Variants in COL4A5 observed in about 807,000 individuals in gnomAD.
COL4A5 encodes the protein collagen alpha-5(IV) chain.
Under a neutral mutation model 130.2 loss-of-function variants are expected in COL4A5, and 26 were observed. The observed-to-expected ratio is 0.20, with a 90% confidence interval of 0.15 to 0.28. The LOEUF (loss-of-function observed/expected upper bound fraction) is 0.28. COL4A5 is among the 10% of genes least tolerant of loss of function. The pLI is 1.00. For synonymous variants in COL4A5, 496 were observed against 439.6 expected (o/e 1.13, Z -1.60); for missense variants, 1,131 against 1,344.3 (o/e 0.84, Z 2.48).
At chrX:108,626,612 A>G (rs2067159104) in intron 36 of COL4A5, 2 of 1,082,029 alleles carry the variant, frequency 1.8e-6, no homozygotes, top group Admixed American at 6.6e-5. Flanking sequence ...AATAATCTCA[A>G]TGCCTAGATT....
chrX:108,625,666 T>G (rs907916392), intron 34 of COL4A5, 39 bp from the exon 35 acceptor site: 7 of 913,205 alleles, frequency 7.7e-6, no homozygotes, highest in African/African-American at 2.0e-5. Flanking sequence ...ACCCCAATAT[T>G]GCTACATTGT....
chrX:108,685,357 T>C (rs2068523576), intron 47 of COL4A5, among the ~76,000 whole-genome samples: 1 of 112,619 alleles, frequency 8.9e-6, no homozygotes, highest in Non-Finnish European at 1.9e-5. Context: ...TTCCATTTTC[T>C]TTTTTCTTGA....
intron 24 of COL4A5, among the ~76,000 whole-genome samples, chrX:108,598,088 G>A (rs932755378): frequency 2.7e-5 from 3 of 111,087 alleles, no homozygotes; most frequent in Non-Finnish European, 3.8e-5. Context: ...CTACTCGGGA[G>A]GCTGAGGCAG....
intron 25 of COL4A5, among the ~76,000 whole-genome samples, chrX:108,600,139 G>T (rs2066601457): frequency 8.9e-6 from 1 of 112,124 alleles, no homozygotes; most frequent in African/African-American, 3.2e-5. Flanking sequence ...ATTTGCTTTT[G>T]TGAAATGCCT....
intron 2 of COL4A5, among the ~76,000 whole-genome samples, chrX:108,555,301 T>C (rs1001318302): frequency 7.1e-5 from 8 of 112,311 alleles, no homozygotes; most frequent in Non-Finnish European, 1.5e-4. Flanking sequence ...GTTTTATATC[T>C]GACTTAGAGT....
intron 4 of COL4A5, among the ~76,000 whole-genome samples, chrX:108,566,641 C>T (rs1367928358): frequency 9.1e-6 from 1 of 110,146 alleles, no homozygotes. Flanking sequence ...CTCCGCCTCC[C>T]GGGTTCACGC....
chrX:108,634,272 T>C (rs1603301166), intron 36 of COL4A5, among the ~76,000 whole-genome samples: 2 of 104,292 alleles, frequency 1.9e-5, no homozygotes, highest in Admixed American at 1.0e-4. Context: ...CTAAAGTAAA[T>C]GGGGTTATAG....
At chrX:108,559,286 C>T (rs1049617642) in intron 3 of COL4A5, 133 bp downstream of exon 3, 18 of 540,054 alleles carry the variant, frequency 3.3e-5, no homozygotes, top group Admixed American at 5.2e-5. Flanking sequence ...AATGGAATGA[C>T]GGGGAGTCTG....
chrX:108,509,390 C>T (rs1356633897), intron 1 of COL4A5, among the ~76,000 whole-genome samples: 1 of 111,604 alleles, frequency 9.0e-6, no homozygotes, highest in Non-Finnish European at 1.9e-5. Flanking sequence ...GCACAGTTCA[C>T]CTATGTAAGT....
At chrX:108,592,661 G>A (rs1161704074) in intron 21 of COL4A5, among the ~76,000 whole-genome samples, 4 of 109,156 alleles carry the variant, frequency 3.7e-5, no homozygotes, top group African/African-American at 1.3e-4. Flanking sequence ...TGTCAGGTCT[G>A]TCCTTTTTTT....
intron 1 of COL4A5, among the ~76,000 whole-genome samples, chrX:108,526,076 A>C (rs915483053): frequency 4.5e-5 from 5 of 111,317 alleles, no homozygotes; most frequent in Admixed American, 1.9e-4. Flanking sequence ...CAGGACACAC[A>C]CGGTAGGGGA....
chrX:108,652,350 C>T (rs750190600), intron 36 of COL4A5, among the ~76,000 whole-genome samples: 14 of 112,495 alleles, frequency 1.2e-4, no homozygotes, highest in Non-Finnish European at 2.1e-4. Flanking sequence ...TCTTTAATCT[C>T]CAAATACAGA....
chrX:108,652,327 G>T (rs1380441745), intron 36 of COL4A5, among the ~76,000 whole-genome samples: 1 of 112,245 alleles, frequency 8.9e-6, no homozygotes, highest in South Asian at 3.7e-4. Context: ...CCTATTTATG[G>T]TTTTGTTCAT....
rs767786971 is a variant in COL4A5 at position 108,636,653 on chromosome X, A to G, written c.3246+10304A>G. On this transcript the variant is annotated intron_variant, in intron 36 of 52. Transcript: ENST00000328300. ...GCACAAAGTGAATTGGACCTAACAA[A>G]CATATACAAAATATTCTATCCAAGA... is the stretch of plus-strand genomic sequence containing the variant. Among the ~76,000 whole-genome samples the G allele has an allele frequency of 3.6e-5, 4 of 111,756 alleles. No individual in the cohort carries two copies. In the East Asian group the frequency reaches 1.1e-3, roughly 31 times the overall value.
chrX:108,565,953 C>T (rs926949308), intron 4 of COL4A5, among the ~76,000 whole-genome samples: 2 of 107,573 alleles, frequency 1.9e-5, no homozygotes, highest in East Asian at 2.9e-4. Context: ...TATTGAATAA[C>T]ATTATGCAGC....
At chrX:108,463,326 A>G (rs1469046730) in intron 1 of COL4A5, among the ~76,000 whole-genome samples, 4 of 111,644 alleles carry the variant, frequency 3.6e-5, no homozygotes, top group Non-Finnish European at 7.5e-5. Flanking sequence ...ATAAAATCAA[A>G]TTTCTATTAG....
intron 30 of COL4A5, among the ~76,000 whole-genome samples, chrX:108,615,871 T>G (rs28612541): frequency 0.096 from 10,741 of 112,149 alleles, 1,158 homozygotes; most frequent in African/African-American, 0.32. Flanking sequence ...AGTTCAGATG[T>G]GCATACATTT....
At chrX:108,610,331 G>A (rs975776297) in intron 29 of COL4A5, among the ~76,000 whole-genome samples, 9 of 111,500 alleles carry the variant, frequency 8.1e-5, no homozygotes, top group African/African-American at 2.9e-4. Flanking sequence ...TATTAAAGCA[G>A]TAAGACAGCC....
At chrX:108,527,885 C>T (rs2065342391) in intron 1 of COL4A5, among the ~76,000 whole-genome samples, 1 of 111,870 alleles carries the variant, frequency 8.9e-6, no homozygotes, top group South Asian at 3.8e-4. Context: ...ATGGGCCTAC[C>T]CAGCCCATTG....
Sources: gnomAD v4.1 joint callset for allele counts (sites outside exome capture counted in the v4.1 genomes callset) on GRCh38, gnomAD v4.1.1 for gene constraint, MANE v1.5 for transcripts, NCBI Gene and HGNC (gene_info 2026-07-23, HGNC 2026-07-21) for gene names.